PCLO: variants seen among roughly 807,000 people sequenced by gnomAD.
The protein encoded by PCLO is piccolo presynaptic cytomatrix protein.
In PCLO, 82 loss-of-function variants were observed where a neutral mutation model predicts 427.5. The observed-to-expected ratio is 0.19, with a 90% CI of 0.16 to 0.23. PCLO has a LOEUF of 0.23. Among genes scored for constraint, PCLO ranks in the 10% least tolerant of loss-of-function variants. The pLI is 1.00. For synonymous variants in PCLO, 2,357 were observed against 2,155.4 expected (o/e 1.09, Z -2.59); for missense variants, 6,239 against 6,115.9 (o/e 1.02, Z -0.67).
chr7:83,026,635 A>C (rs1351698464), intron 3 of PCLO, among the ~76,000 whole-genome samples: 2 of 151,950 alleles, frequency 1.3e-5, no homozygotes, highest in Admixed American at 6.6e-5. Flanking sequence ...TCTCCACCCC[A>C]AATCAACAGA....
intron 2 of PCLO, among the ~76,000 whole-genome samples, chr7:83,147,414 C>T (rs926080438): frequency 9.2e-5 from 14 of 151,924 alleles, no homozygotes; most frequent in African/African-American, 3.4e-4. Flanking sequence ...GCAAAAAACC[C>T]AATAAACTTT....
Position 82,879,351 on chromosome 7 carries a change from CCCGTCTGTT to C in PCLO, c.13631_13639del (p.Glu4544_Thr4546del). The C allele has an allele frequency of 1.2e-6, 2 of 1,610,720 alleles. No homozygotes were observed. The highest frequency in any genetic ancestry group is 1.7e-6 in the Non-Finnish European group (2 of 1,178,190). On this transcript the variant is annotated inframe_deletion, in exon 10 of 25. Coordinates refer to ENST00000333891, the MANE Select transcript of PCLO (RefSeq NM_033026.6). Reference sequence around the variant, plus strand: ...CTTATTCTTACCTTCCATAAGCTTCCCCGTCTGTTCCGCACTTCCCCCAGGAAGAATCTT... The same window carrying C: ...CTTATTCTTACCTTCCATAAGCTTCCCCGCACTTCCCCCAGGAAGAATCTT...
intron 10 of PCLO, among the ~76,000 whole-genome samples, chr7:82,867,273 A>G (rs1793119099): frequency 6.6e-6 from 1 of 152,138 alleles, no homozygotes; most frequent in African/African-American, 2.4e-5. Flanking sequence ...GTGGTAGTGC[A>G]TGCCTTTTTA....
intron 21 of PCLO, among the ~76,000 whole-genome samples, chr7:82,805,456 A>G (rs1208724371): frequency 6.6e-6 from 1 of 152,208 alleles, no homozygotes; most frequent in Non-Finnish European, 1.5e-5. Flanking sequence ...CATCAAATAC[A>G]GATTGTATTG....
At chr7:83,089,186 T>G (rs1294496948) in intron 3 of PCLO, among the ~76,000 whole-genome samples, 1 of 152,130 alleles carries the variant, frequency 6.6e-6, no homozygotes, top group African/African-American at 2.4e-5. Context: ...AAATATTTTT[T>G]TATGTTTTAA....
intron 1 of PCLO, among the ~76,000 whole-genome samples, chr7:83,159,974 T>G (rs1013416379): frequency 6.6e-6 from 1 of 152,142 alleles, no homozygotes; most frequent in Non-Finnish European, 1.5e-5. Flanking sequence ...CCCATTGAAC[T>G]GATTTTTCCA....
At chr7:82,890,973 T>C (rs534403658) in intron 9 of PCLO, among the ~76,000 whole-genome samples, 8 of 152,098 alleles carry the variant, frequency 5.3e-5, no homozygotes, top group Non-Finnish European at 1.2e-4. Flanking sequence ...TTTGGATTTT[T>C]GCATATATGA....
intron 3 of PCLO, among the ~76,000 whole-genome samples, chr7:83,027,413 T>C (rs1234244766): frequency 6.6e-6 from 1 of 151,944 alleles, no homozygotes; most frequent in Non-Finnish European, 1.5e-5. Flanking sequence ...CAGGAAGAAG[T>C]TGAATCTCTG....
intron 3 of PCLO, among the ~76,000 whole-genome samples, chr7:83,044,365 T>C (rs2116228265): frequency 6.6e-6 from 1 of 152,176 alleles, no homozygotes; most frequent in East Asian, 1.9e-4. Flanking sequence ...GTGAGAAAAA[T>C]AACACAATTA....
chr7:83,016,150 C>G (rs1308531754), intron 3 of PCLO, among the ~76,000 whole-genome samples: 1 of 152,030 alleles, frequency 6.6e-6, no homozygotes, highest in African/African-American at 2.4e-5. Context: ...GGGTTGGACA[C>G]CCACTATCAG....
At chr7:83,052,054 C>A (rs968924321) in intron 3 of PCLO, among the ~76,000 whole-genome samples, 1 of 150,380 alleles carries the variant, frequency 6.6e-6, no homozygotes, top group African/African-American at 2.5e-5. Flanking sequence ...GATCAAAGAC[C>A]TAAAAGTAAA....
In PCLO at chr7:83,162,172, T is replaced by C. The variant is rs116160821; in HGVS notation, c.248+173A>G. On this transcript the variant is annotated intron_variant, in intron 1 of 24. Coordinates refer to ENST00000333891, the MANE Select transcript of PCLO (RefSeq NM_033026.6). ...CACCAGAAACTCTACAATGCATCAT[T>C]TTTATTCCGCCCATCACAAGGCTTA... Among the ~76,000 whole-genome samples the C allele has an allele frequency of 9.5e-3, 1,440 of 152,308 alleles. 21 individuals carry two copies. The highest frequency in any genetic ancestry group is 0.033 in the African/African-American group (1,354 of 41,554).
At chr7:82,868,775 C>T (rs1299918032) in intron 10 of PCLO, among the ~76,000 whole-genome samples, 1 of 152,152 alleles carries the variant, frequency 6.6e-6, no homozygotes, top group African/African-American at 2.4e-5. Flanking sequence ...TTCTTGAAGA[C>T]ACATTCAGAT....
chr7:83,044,782 A>G (rs1004988041), intron 3 of PCLO, among the ~76,000 whole-genome samples: 1 of 152,178 alleles, frequency 6.6e-6, no homozygotes, highest in Non-Finnish European at 1.5e-5. Context: ...TCAAATGTAT[A>G]TTGATTCGAT....
chr7:83,048,231 G>A (rs1257824891), intron 3 of PCLO, among the ~76,000 whole-genome samples: 1 of 151,870 alleles, frequency 6.6e-6, no homozygotes, highest in South Asian at 2.1e-4. Context: ...ACTATATCTA[G>A]TATTTTTATA....
rs769859802 is a variant in PCLO at position 82,953,090 on chromosome 7, A to C, written c.7863T>G (p.Ser2621=). ...CTACAGCTGTCACAGGAGGAACTAC[A>C]GAAAACACAGGTTCAACAGAAACCA... The part of the protein sequence containing the change: ...KDLVSVEPVF[S]VVPPVTAVEI... The change falls in exon 5 of 25, where the codon TCT becomes TCG. Residue 2621 remains serine, a synonymous_variant. Transcript: ENST00000333891. The C allele has an allele frequency of 6.2e-7, 1 of 1,614,014 alleles. No individual in the cohort carries two copies. Among genetic ancestry groups the C allele is most frequent in the African/African-American group, 1.3e-5 (1 of 75,052 alleles).
intron 3 of PCLO, among the ~76,000 whole-genome samples, chr7:83,092,305 A>T (rs1790397633): frequency 6.6e-6 from 1 of 152,216 alleles, no homozygotes; most frequent in Admixed American, 6.5e-5. Context: ...ACTTGAATCC[A>T]CTGGAAAATA....
chr7:83,091,200 T>C (rs1371328845), intron 3 of PCLO, among the ~76,000 whole-genome samples: 4 of 151,966 alleles, frequency 2.6e-5, no homozygotes, highest in African/African-American at 9.7e-5. Flanking sequence ...AATGAAGGAA[T>C]TCAAAAAAAA....
intron 3 of PCLO, among the ~76,000 whole-genome samples, chr7:83,128,242 G>C (rs1038470985): frequency 7.3e-5 from 11 of 151,706 alleles, no homozygotes; most frequent in Non-Finnish European, 1.5e-4. Context: ...TTGTGCAAAA[G>C]ATAAGGTGGG....
Sources: allele counts gnomAD v4.1 joint callset (sites outside exome capture counted in the v4.1 genomes callset), GRCh38; gene constraint gnomAD v4.1.1; transcripts MANE v1.5; gene names NCBI Gene and HGNC (gene_info 2026-07-23, HGNC 2026-07-21).